Variants in DHX29 observed in about 807,000 individuals in gnomAD.
The protein encoded by DHX29 is ATP-dependent RNA helicase DHX29.
DHX29 carries 79 observed loss-of-function variants against 167.9 expected under a neutral mutation model. The ratio of observed to expected loss-of-function variants is 0.47; its 90% CI spans 0.39 to 0.57. The LOEUF is 0.57. Ranked by LOEUF, DHX29 falls within the 20% of genes least tolerant of loss-of-function variation. DHX29 has a pLI of 0.00. For synonymous variants in DHX29, 530 were observed against 546.0 expected, an observed-to-expected ratio of 0.97 and a Z score of 0.41; for missense variants, 1,347 against 1,593.4, an observed-to-expected ratio of 0.85 and a Z score of 2.63.
At chr5:55,286,082 G>A (rs973103834) in intron 8 of DHX29, among the ~76,000 whole-genome samples, 3 of 151,904 alleles carry the variant, frequency 2.0e-5, no homozygotes, top group Non-Finnish European at 2.9e-5. Context: ...GTGAAACCTC[G>A]TCTCTACTAA....
chr5:55,277,252 G>C lies in DHX29; in HGVS notation c.2140C>G (p.Leu714Val), dbSNP rs377573017. 7 of 1,608,678 alleles carry C rather than the reference G, an allele frequency of 4.4e-6. No individual in the cohort carries two copies. Among genetic ancestry groups the C allele is most frequent in the Non-Finnish European group, 6.0e-6 (7 of 1,176,398 alleles). The change falls in exon 13 of 27, where the codon CTA (leucine) becomes GTA (valine). Residue 714 changes from leucine (L) to valine (V), a missense_variant. Around this residue, in one of 3 missense-constraint regions of DHX29, gnomAD observed 882 missense variants for 1,082.4 expected, o/e 0.81. Transcript: ENST00000251636. The part of the protein sequence containing the change: ...VHERSVQSDF[L>V]LIILKEILQK... The stretch of plus-strand genomic sequence containing the variant: ...AAAATTTCCTTCAAGATAATTAGTA[G>C]GAAGTCTGACTGGACACTTCTTTCA...
intron 12 of DHX29, among the ~76,000 whole-genome samples, chr5:55,277,582 T>C (rs1264187731): frequency 6.6e-6 from 1 of 152,120 alleles, no homozygotes; most frequent in Non-Finnish European, 1.5e-5. Flanking sequence ...CTGATAAGGC[T>C]GGGTGCAACC....
chr5:55,283,190 A>C lies in DHX29; in HGVS notation c.1965+13T>G, dbSNP rs1296515512. On this transcript the variant is annotated intron_variant, in intron 11 of 26. Coordinates refer to ENST00000251636, the MANE Select transcript of DHX29 (RefSeq NM_019030.4). ...ACCATCATTCACTGAGGTGGAGTTG[A>C]ATGACAGCTTACCCTTCCTCCAGGT... is the stretch of plus-strand genomic sequence containing the variant. 1.3e-6 allele frequency: 2 copies of C among 1,562,092 alleles called. No individual in the cohort carries two copies. The highest frequency in any genetic ancestry group is 1.8e-5 in the Admixed American group (1 of 54,534).
chr5:55,264,202 A>T (rs908761612), intron 23 of DHX29, among the ~76,000 whole-genome samples: 4 of 152,166 alleles, frequency 2.6e-5, no homozygotes, highest in Non-Finnish European at 5.9e-5. Flanking sequence ...TAAAAAAACA[A>T]AAAGACAGTA....
chr5:55,267,656 T>C, intron 22 of DHX29, 30 bp downstream of exon 22: 2 of 1,573,984 alleles, frequency 1.3e-6, no homozygotes, highest in Non-Finnish European at 8.6e-7. Flanking sequence ...GGTAATTGGC[T>C]TACTGATAAC....
intron 18 of DHX29, among the ~76,000 whole-genome samples, chr5:55,271,785 T>G (rs189623221): frequency 6.6e-6 from 1 of 152,312 alleles, no homozygotes. Context: ...ATGCTTTTTG[T>G]TAAACAATTT....
intron 1 of DHX29, among the ~76,000 whole-genome samples, chr5:55,306,002 A>G (rs954757388): frequency 6.6e-6 from 1 of 152,238 alleles, no homozygotes; most frequent in Admixed American, 6.5e-5. Flanking sequence ...AAAGAATACA[A>G]CAAATGACTA....
At position 55,296,274 on chromosome 5, in the gene DHX29, A is replaced by C; in HGVS notation, c.451T>G (p.Tyr151Asp). The C allele has an allele frequency of 6.2e-7, 1 of 1,613,700 alleles. No individual in the cohort carries two copies. The highest frequency in any genetic ancestry group is 1.3e-5 in the African/African-American group (1 of 75,046). Reference sequence around the variant, plus strand: ...AAGGCAGAATGAAGGTCACCTCCATATAAGAGTGTATTGGTCATGGCATCT... The same window carrying C: ...AAGGCAGAATGAAGGTCACCTCCATCTAAGAGTGTATTGGTCATGGCATCT... ...IEDAMTNTLLYGGDLHSALDW... is the reference protein window; with the variant it reads ...IEDAMTNTLLDGGDLHSALDW... The change falls in exon 4 of 27, where the codon TAT becomes GAT. Residue 151 changes from tyrosine (Y) to aspartate (D), a missense_variant. This residue lies in a region of DHX29 where 405 missense variants were observed against 416.8 expected (regional missense o/e 0.97). Coordinates refer to ENST00000251636, the MANE Select transcript of DHX29 (RefSeq NM_019030.4).
At chr5:55,292,952 A>C (rs1470399135) in intron 6 of DHX29, among the ~76,000 whole-genome samples, 1 of 152,108 alleles carries the variant, frequency 6.6e-6, no homozygotes, top group Non-Finnish European at 1.5e-5. Context: ...TATTAGTTTA[A>C]TACAGAAACA....
chr5:55,297,434 T>C (rs1748382037), intron 2 of DHX29, 36 bp from the exon 3 acceptor site: 2 of 858,746 alleles, frequency 2.3e-6, no homozygotes, highest in African/African-American at 1.7e-5. Flanking sequence ...ATTTAGAAGC[T>C]AAATTATTAA....
At position 55,277,676 on chromosome 5, in the gene DHX29, C is replaced by T. The variant is rs147528371; in HGVS notation, c.2110-394G>A. On this transcript the variant is annotated intron_variant, in intron 12 of 26. Transcript: ENST00000251636. Reference sequence around the variant, plus strand: ...ATCCTAGCACTTTAGGAGGCCGACGCGGGCGGATAACCTGACATCGGGAGT... The same window carrying T: ...ATCCTAGCACTTTAGGAGGCCGACGTGGGCGGATAACCTGACATCGGGAGT... Among the ~76,000 whole-genome samples the T allele has an allele frequency of 3.2e-3, 482 of 152,080 alleles. 1 individual carries two copies. Among genetic ancestry groups the T allele is most frequent in the African/African-American group, 0.011 (451 of 41,492 alleles).
chr5:55,276,522 T>A, intron 13 of DHX29, 116 bp from the exon 14 acceptor site: 1 of 827,156 alleles, frequency 1.2e-6, no homozygotes. Flanking sequence ...TTTAGAATAT[T>A]ATGAAAAAAA....
chr5:55,290,455 A>G, intron 6 of DHX29, 111 bp from the exon 7 acceptor site: 1 of 1,270,004 alleles, frequency 7.9e-7, no homozygotes, highest in Non-Finnish European at 1.1e-6. Context: ...TTATCCTTTG[A>G]TCCAGCAAAT....
Position 55,267,700 on chromosome 5 carries a change from G to A in DHX29, c.3417C>T (p.Tyr1139=). The part of the protein sequence containing the change: ...AMADSDHLTI[Y]NAYLGWKKAR... ...TATGTTTTTACCCTAGATATGCATT[G>A]TAGATCGTCAGGTGGTCTGAATCCG... The change falls in exon 22 of 27, where the codon TAC becomes TAT. Residue 1139 remains tyrosine (Y), a synonymous_variant. Transcript: ENST00000251636. The A allele has an allele frequency of 6.2e-7, 1 of 1,602,054 alleles. No individual in the cohort carries two copies. The highest frequency in any genetic ancestry group is 8.5e-7 in the Non-Finnish European group (1 of 1,174,294).
chr5:55,275,474 C>T (rs1259409681), intron 14 of DHX29, among the ~76,000 whole-genome samples: 2 of 151,844 alleles, frequency 1.3e-5, no homozygotes, highest in Non-Finnish European at 2.9e-5. Flanking sequence ...TAATTTTTAC[C>T]TCTGGGGTTT....
intron 5 of DHX29, 45 bp from the exon 6 acceptor site, chr5:55,294,190 G>C (rs1448039013): frequency 1.3e-6 from 2 of 1,531,538 alleles, no homozygotes; most frequent in African/African-American, 2.8e-5. Context: ...GTTAGAAAAA[G>C]GTGTCAAAAC....
At chr5:55,267,953 ATGTT>A in intron 21 of DHX29, 131 bp from the exon 22 acceptor site, 1 of 313,996 alleles carries the variant, frequency 3.2e-6, no homozygotes, top group Non-Finnish European at 5.7e-6. Context: ...ATATTTTATT[ATGTT>A]TATTAGTATT....
Position 55,307,426 on chromosome 5 carries a change from C to A in DHX29, c.148G>T (p.Ala50Ser). Residue 50 changes from alanine (A) to serine (S), a missense_variant, in exon 1 of 27, where the codon GCT becomes TCT. Physicochemically the swap from Ala to Ser is moderately conservative, Grantham distance 99. This residue lies in a region of DHX29 where 405 missense variants were observed against 416.8 expected (regional missense o/e 0.97). Coordinates refer to ENST00000251636, the MANE Select transcript of DHX29 (RefSeq NM_019030.4). ...KPVSRPATAA[A>S]AAAGSREPRV... is the part of the protein sequence containing the mutation. ...GGCTCCCTGGAGCCGGCAGCGGCAG[C>A]GGCAGCGGTGGCCGGCCTGGACACT... The A allele has an allele frequency of 1.2e-6, 2 of 1,612,640 alleles. No individual in the cohort carries two copies. Among genetic ancestry groups the A allele is most frequent in the Non-Finnish European group, 1.7e-6 (2 of 1,179,734 alleles).
At chr5:55,269,089 T>C (rs1399176301) in intron 21 of DHX29, among the ~76,000 whole-genome samples, 1 of 151,758 alleles carries the variant, frequency 6.6e-6, no homozygotes, top group African/African-American at 2.4e-5. Context: ...CTACTAAAAA[T>C]ACAAAAATTA....
Sources: gnomAD v4.1 joint callset for allele counts (sites outside exome capture counted in the v4.1 genomes callset) on GRCh38, gnomAD v4.1.1 for gene constraint, gnomAD v4.1.1 regional missense constraint, MANE v1.5 for transcripts, NCBI Gene and HGNC (gene_info 2026-07-23, HGNC 2026-07-21) for gene names.